The following C6orf132 variants were observed in gnomAD, a reference collection of about 807,000 sequenced individuals.
C6orf132 encodes the protein uncharacterized protein C6orf132.
Under a neutral mutation model 65.3 loss-of-function variants are expected in C6orf132, and 43 were observed. That is an observed-to-expected ratio of 0.66 (90% CI 0.52 to 0.85). The LOEUF is 0.85. Ranked by LOEUF, C6orf132 falls within the 40% of genes least tolerant of loss-of-function variation. The pLI, the probability that C6orf132 is intolerant of heterozygous loss-of-function variation, is 0.00. For synonymous variants in C6orf132, 631 were observed against 654.1 expected, an observed-to-expected ratio of 0.96 and a Z score of 0.54; for missense variants, 1,488 against 1,548.8, an observed-to-expected ratio of 0.96 and a Z score of 0.66.
rs1432696163 is a variant in C6orf132, at chr6:42,105,250, T to C, written c.2662A>G (p.Thr888Ala). The C allele has an allele frequency of 6.5e-7, 1 of 1,537,182 alleles. No individual in the cohort carries two copies. Among genetic ancestry groups the C allele is most frequent in the South Asian group, 1.2e-5 (1 of 84,062 alleles). Residue 888 changes from threonine (T) to alanine (A), a missense_variant, in exon 4 of 5, where the codon ACG (threonine) becomes GCG (alanine). Thr to Ala is a moderately conservative substitution (Grantham distance 58, BLOSUM62 0). Coordinates refer to ENST00000341865, the MANE Select transcript of C6orf132 (RefSeq NM_001164446.3). ...SSDSIFHSQG[T>A]PNSFTVVPKL... ...GGCACCACAGTGAAGGAGTTGGGCG[T>C]GCCCTGGCTGTGGAAGATGCTGTCA... is the stretch of plus-strand genomic sequence containing the variant.
At chr6:42,120,175 G>A (rs930290876) in intron 2 of C6orf132, among the ~76,000 whole-genome samples, 1 of 151,776 alleles carries the variant, frequency 6.6e-6, no homozygotes, top group Non-Finnish European at 1.5e-5. Flanking sequence ...TAGGGAGGAA[G>A]CATGGGTGGA....
chr6:42,128,907 C>A, intron 1 of C6orf132, 129 bp from the exon 2 acceptor site: 1 of 647,970 alleles, frequency 1.5e-6, no homozygotes, highest in Non-Finnish European at 2.8e-6. Context: ...TTGGATTCAG[C>A]TAAGCGCCTC....
rs1673567622 is a variant in C6orf132 at position 42,103,655 on chromosome 6, T to C, written c.*106A>G. 1 of 597,070 alleles carries C rather than the reference T, an allele frequency of 1.7e-6. No individual in the cohort carries two copies. Among genetic ancestry groups the C allele is most frequent in the Admixed American group, 4.3e-5 (1 of 23,242 alleles). 37.0% of individuals were successfully genotyped at this position (597,070 alleles called of 1,614,324 possible). The stretch of plus-strand genomic sequence containing the variant: ...GATCAAAGACTCCTCTGTGTCTGAG[T>C]CAGGTCGCCCAACACCTGCTGTGTA... On this transcript the variant is annotated 3_prime_UTR_variant, in exon 5 of 5. Transcript: ENST00000341865.
At chr6:42,115,624 C>T (rs182285791) in intron 2 of C6orf132, among the ~76,000 whole-genome samples, 4 of 151,904 alleles carry the variant, frequency 2.6e-5, no homozygotes, top group Non-Finnish European at 4.4e-5. Flanking sequence ...CCAGCCTGGG[C>T]GACAGAGCGA....
In C6orf132 at chr6:42,107,228, C is replaced by T. The variant is rs1028327128; in HGVS notation, c.684G>A (p.Pro228=). 1.7e-4 allele frequency: 114 copies of T among 665,588 alleles called. No individual in the cohort carries two copies. The highest frequency in any genetic ancestry group is 5.1e-4 in the Admixed American group (2 of 3,940). The allele number at this position is 665,588 out of a possible 1,614,324, so 41.2% of individuals were successfully genotyped here. A position where few individuals can be genotyped will look rare whatever the true frequency, so the allele number is the denominator to read the frequency against. ...GGGGTGCTGGGGCTGGCACAGGAGG[C>T]GGTGGGGGGGCTAGAAAGGCCAAGG... ...APPLAFLAPP[P]PPVPAPAPPA... The change falls in exon 4 of 5, where the codon CCG becomes CCA. Residue 228 remains proline, a synonymous_variant. Coordinates refer to ENST00000341865, the MANE Select transcript of C6orf132 (RefSeq NM_001164446.3).
chr6:42,117,963 AAG>A (rs1440405667), intron 2 of C6orf132, among the ~76,000 whole-genome samples: 1 of 147,954 alleles, frequency 6.8e-6, no homozygotes, highest in Non-Finnish European at 1.5e-5. Flanking sequence ...ATATGGGACA[AAG>A]AGGCAGAAAA....
chr6:42,141,439 G>A (rs975372736), intron 1 of C6orf132, among the ~76,000 whole-genome samples: 4 of 152,198 alleles, frequency 2.6e-5, no homozygotes, highest in Admixed American at 6.5e-5. Flanking sequence ...GTCTCCAGCC[G>A]CTGGCTTCCC....
chr6:42,142,518 G>A lies in C6orf132; in HGVS notation c.-74C>T. On this transcript the variant is annotated 5_prime_UTR_variant, in exon 1 of 5. Coordinates refer to ENST00000341865, the MANE Select transcript of C6orf132 (RefSeq NM_001164446.3). ...CCTGCCCTGCCCCGGACTGAACTCA[G>A]CACGGTCTCCCCAGGGGACTCTACC... is the stretch of plus-strand genomic sequence containing the variant. 2 of 1,418,522 alleles carry A rather than the reference G, an allele frequency of 1.4e-6. No homozygotes were observed. The highest frequency in any genetic ancestry group is 2.1e-5 in the Admixed American group (1 of 46,518). 87.9% of individuals were successfully genotyped at this position (1,418,522 alleles called of 1,614,324 possible).
At chr6:42,122,441 C>T (rs566487347) in intron 2 of C6orf132, among the ~76,000 whole-genome samples, 1 of 152,258 alleles carries the variant, frequency 6.6e-6, no homozygotes, top group East Asian at 1.9e-4. Context: ...TGTTTATGGG[C>T]CAGGATGAAG....
At chr6:42,132,425 G>GA (rs1488914676) in intron 1 of C6orf132, among the ~76,000 whole-genome samples, 2 of 152,138 alleles carry the variant, frequency 1.3e-5, no homozygotes, top group African/African-American at 4.8e-5. Flanking sequence ...TGAGGCAGGA[G>GA]AATCACTTGA....
In C6orf132 at chr6:42,106,927, C is replaced by T. The variant is rs1766419806; in HGVS notation, c.985G>A (p.Gly329Arg). The T allele has an allele frequency of 1.3e-6, 2 of 1,536,112 alleles. No homozygotes were observed. The highest frequency in any genetic ancestry group is 1.4e-5 in the African/African-American group (1 of 72,814). Residue 329 changes from glycine (G) to arginine (R), a missense_variant, in exon 4 of 5, where the codon GGG (glycine) becomes AGG (arginine). Physicochemically the swap from Gly to Arg is moderately radical, Grantham distance 125. Coordinates refer to ENST00000341865, the MANE Select transcript of C6orf132 (RefSeq NM_001164446.3). ...EAQEAPRKEE[G>R]ATKKAPSRLP... ...CGGCTGGGAGCCTTCTTGGTGGCCCCCTCTTCCTTTCGGGGAGCCTCTTGT... is the reference window on the plus strand; with the variant it reads ...CGGCTGGGAGCCTTCTTGGTGGCCCTCTCTTCCTTTCGGGGAGCCTCTTGT...
rs1477032001 is a variant in C6orf132, at chr6:42,104,594, C to A, written c.3318G>T (p.Ser1106=). 4 of 1,334,358 alleles carry A rather than the reference C, an allele frequency of 3.0e-6. No homozygotes were observed. The highest frequency in any genetic ancestry group is 3.8e-6 in the Non-Finnish European group (4 of 1,048,152). 82.7% of individuals were successfully genotyped at this position (1,334,358 alleles called of 1,614,324 possible). Residue 1106 remains serine, a synonymous_variant, in exon 4 of 5, where the codon TCG becomes TCT. Transcript: ENST00000341865. This position sits in a 1 kb window ranked among gnomAD's most constrained non-coding sequence, Gnocchi z 4.1. ...PGGPEMRRVN[S]AGRAPPGGLH... is the part of the protein sequence containing the mutation. The stretch of plus-strand genomic sequence containing the variant: ...GGCCTCCGGGGGGCGCGCGACCCGC[C>A]GAGTTCACGCGCCGCATCTCGGGGC...
intron 1 of C6orf132, among the ~76,000 whole-genome samples, chr6:42,132,255 C>T (rs935501659): frequency 1.3e-5 from 2 of 152,156 alleles, no homozygotes; most frequent in African/African-American, 4.8e-5. Flanking sequence ...GGGGCTCACA[C>T]CTGTAATCCC....
rs1433362819 is a variant in C6orf132, at chr6:42,124,721, T to C, written c.252+3951A>G. ...TGTGAGCCCACACCCACACAGAGCT[T>C]GTCCTCCCTCTTCTCCCCATCCTTC... On this transcript the variant is annotated intron_variant, in intron 2 of 4. Coordinates refer to ENST00000341865, the MANE Select transcript of C6orf132 (RefSeq NM_001164446.3). This position sits in a 1 kb window ranked among gnomAD's most constrained non-coding sequence, Gnocchi z 4.0. 6.6e-6 allele frequency among the ~76,000 whole-genome samples: 1 copy of C among 152,218 alleles called. No individual in the cohort carries two copies. The highest frequency in any genetic ancestry group is 2.4e-5 in the African/African-American group (1 of 41,456).
In C6orf132 at chr6:42,106,842, G is replaced by C. The variant is rs895836534; in HGVS notation, c.1070C>G (p.Ala357Gly). 20 of 1,535,722 alleles carry C rather than the reference G, an allele frequency of 1.3e-5. No homozygotes were observed. In the African/African-American group the frequency reaches 2.6e-4, roughly 20 times the overall value. ...CTCCCCAGGGCAGTCTGGCTCGGGG[G>C]CCCTGTCTGGGTAGACCTGGGAGGC... ...RPASQVYPDR[A>G]PEPDCPGELK... Residue 357 changes from alanine to glycine, a missense_variant, in exon 4 of 5, where the codon GCC (alanine) becomes GGC (glycine). Coordinates refer to ENST00000341865, the MANE Select transcript of C6orf132 (RefSeq NM_001164446.3).
At position 42,105,818 on chromosome 6, in the gene C6orf132, C is replaced by T. The variant is rs181548689; in HGVS notation, c.2094G>A (p.Leu698=). 3.1e-4 allele frequency: 469 copies of T among 1,537,294 alleles called. 3 individuals carry two copies. In the African/African-American group the frequency reaches 5.3e-3, roughly 17 times the overall value. Residue 698 remains leucine, a synonymous_variant, in exon 4 of 5, where the codon CTG becomes CTA. Coordinates refer to ENST00000341865, the MANE Select transcript of C6orf132 (RefSeq NM_001164446.3). ...GPAIASTATT[L]PTTTSQLMAE... ...CCATCAGTTGGGATGTGGTGGTGGG[C>T]AGAGTTGTGGCTGTAGATGCTATGG...
chr6:42,113,846 A>G (rs1766528499), intron 2 of C6orf132, among the ~76,000 whole-genome samples: 1 of 152,092 alleles, frequency 6.6e-6, no homozygotes, highest in Non-Finnish European at 1.5e-5. Flanking sequence ...AAAGAAAAAA[A>G]AAGAAAATTG....
intron 1 of C6orf132, among the ~76,000 whole-genome samples, chr6:42,129,208 G>A: frequency 6.6e-6 from 1 of 152,232 alleles, no homozygotes; most frequent in Non-Finnish European, 1.5e-5. Context: ...AACATGCAGA[G>A]CAGATGAGGC....
At chr6:42,137,705 C>T (rs1766965494) in intron 1 of C6orf132, among the ~76,000 whole-genome samples, 1 of 152,074 alleles carries the variant, frequency 6.6e-6, no homozygotes, top group Non-Finnish European at 1.5e-5. Context: ...ATTCTCATAT[C>T]TTCCCGCACA....
Sources: gnomAD v4.1 joint callset for allele counts (sites outside exome capture counted in the v4.1 genomes callset) on GRCh38, gnomAD v4.1.1 for gene constraint, Gnocchi (gnomAD v3.1) non-coding constraint, MANE v1.5 for transcripts, NCBI Gene and HGNC (gene_info 2026-07-23, HGNC 2026-07-21) for gene names.